Variants in RASGRP3 observed in about 807,000 individuals in gnomAD.
The protein encoded by RASGRP3 is RAS guanyl releasing protein 3.
RASGRP3 carries 54 observed loss-of-function variants against 82.7 expected under a neutral mutation model. The observed-to-expected ratio is 0.65, with a 90% confidence interval of 0.52 to 0.82. RASGRP3 has a LOEUF of 0.82. Among genes scored for constraint, RASGRP3 ranks in the 40% least tolerant of loss-of-function variants. The pLI, the probability that RASGRP3 is intolerant of heterozygous loss-of-function variation, is 0.00. For synonymous variants in RASGRP3, 309 were observed against 300.5 expected (o/e 1.03, Z -0.29); for missense variants, 861 against 828.9 (o/e 1.04, Z -0.48).
chr2:33,458,583 C>T (rs934363373), intron 2 of RASGRP3, among the ~76,000 whole-genome samples: 2 of 152,324 alleles, frequency 1.3e-5, no homozygotes, highest in African/African-American at 4.8e-5. Context: ...GCTGTAGACA[C>T]TGGGTGCCCC....
chr2:33,546,239 C>T (rs1191341184), intron 13 of RASGRP3, among the ~76,000 whole-genome samples: 16 of 151,658 alleles, frequency 1.1e-4, no homozygotes, highest in Non-Finnish European at 1.6e-4. Flanking sequence ...CTGGCTAACA[C>T]GGTGAAACTC....
chr2:33,486,467 C>T (rs1668390441), intron 1 of RASGRP3, among the ~76,000 whole-genome samples: 1 of 150,854 alleles, frequency 6.6e-6, no homozygotes, highest in Non-Finnish European at 1.5e-5. Context: ...TGCTCCTGGC[C>T]TCACTTGGTA....
chr2:33,561,557 A>T (rs1385682826), intron 17 of RASGRP3, among the ~76,000 whole-genome samples: 4 of 152,212 alleles, frequency 2.6e-5, no homozygotes, highest in Non-Finnish European at 5.9e-5. Context: ...GGGAAAAAAA[A>T]TGACAAAATT....
intron 2 of RASGRP3, among the ~76,000 whole-genome samples, chr2:33,466,601 C>A (rs1308882100): frequency 1.3e-5 from 2 of 151,654 alleles, no homozygotes; most frequent in Non-Finnish European, 2.9e-5. Context: ...ATCACTTGAA[C>A]CTGGGAGGTG....
intron 15 of RASGRP3, among the ~76,000 whole-genome samples, chr2:33,556,229 A>ATTTTT (rs1675932842): frequency 1.2e-5 from 1 of 86,956 alleles, no homozygotes; most frequent in Non-Finnish European, 2.0e-5. Flanking sequence ...TCTTCTAATA[A>ATTTTT]TCTTTTTTTT....
intron 13 of RASGRP3, among the ~76,000 whole-genome samples, chr2:33,547,223 A>C (rs1674866976): frequency 6.6e-6 from 1 of 152,004 alleles, no homozygotes; most frequent in Non-Finnish European, 1.5e-5. Context: ...CAAGAACACA[A>C]AGAAGGGAAT....
intron 2 of RASGRP3, among the ~76,000 whole-genome samples, chr2:33,467,428 C>CT (rs1666764155): frequency 6.6e-6 from 1 of 152,168 alleles, no homozygotes; most frequent in South Asian, 2.1e-4. Context: ...GTAGAGAAAT[C>CT]TCCCATGATT....
At chr2:33,467,820 C>T (rs1558409504) in intron 2 of RASGRP3, among the ~76,000 whole-genome samples, 1 of 152,132 alleles carries the variant, frequency 6.6e-6, no homozygotes, top group South Asian at 2.1e-4. Flanking sequence ...TTGGGACCTC[C>T]CTGAGAAACA....
chr2:33,453,660 C>A (rs997813570), intron 2 of RASGRP3, among the ~76,000 whole-genome samples: 2 of 152,114 alleles, frequency 1.3e-5, no homozygotes, highest in African/African-American at 4.8e-5. Flanking sequence ...TTTCATGTAT[C>A]CTATTGGTCA....
At chr2:33,438,798 A>G (rs1323732833) in intron 1 of RASGRP3, among the ~76,000 whole-genome samples, 2 of 151,884 alleles carry the variant, frequency 1.3e-5, no homozygotes, top group African/African-American at 4.9e-5. Context: ...TACAATCACC[A>G]TGTGTTTACA....
intron 14 of RASGRP3, among the ~76,000 whole-genome samples, chr2:33,551,951 CCACTG>C (rs1232204524): frequency 6.6e-6 from 1 of 152,120 alleles, no homozygotes; most frequent in African/African-American, 2.4e-5. Flanking sequence ...CAAGATGGCA[CCACTG>C]CACTCCAGCC....
rs1374614921 is a variant in RASGRP3 at position 33,558,821 on chromosome 2, G to C, written c.1855G>C (p.Val619Leu). 1 of 1,613,900 alleles carries C rather than the reference G, an allele frequency of 6.2e-7. No individual in the cohort carries two copies. The highest frequency in any genetic ancestry group is 1.3e-5 in the African/African-American group (1 of 74,926). Residue 619 changes from valine (V) to leucine (L), a missense_variant, in exon 17 of 18, where the codon GTC (valine) becomes CTC (leucine). Coordinates refer to ENST00000403687, the MANE Select transcript of RASGRP3 (RefSeq NM_001139488.2). ...TTSQATQTEP[V>L]WSEAGWGDSG... ...CAGCCAGGCCACCCAGACTGAACCT[G>C]TCTGGTCAGAGGCTGGCTGGGGGGA...
At chr2:33,462,427 TGGA>T (rs1334129213) in intron 2 of RASGRP3, among the ~76,000 whole-genome samples, 5 of 150,960 alleles carry the variant, frequency 3.3e-5, no homozygotes, top group African/African-American at 1.2e-4. Flanking sequence ...TTGGCCAGGC[TGGA>T]GTACAGTGGT....
In RASGRP3 at chr2:33,564,177, AAAGTT is replaced by A. The variant is rs1205532118; in HGVS notation, c.*1444_*1448del. On this transcript the variant is annotated 3_prime_UTR_variant, in exon 18 of 18. Transcript: ENST00000403687. ...TGGGCAGGTCCCACGCTATATGCAC[AAAGTT>A]AAGAAAAACTTGGTCTTAGCCCTTG... 1 of 151,968 alleles carries A rather than the reference AAAGTT, an allele frequency of 6.6e-6. No individual in the cohort carries two copies. The highest frequency in any genetic ancestry group is 1.5e-5 in the Non-Finnish European group (1 of 68,032). The allele number at this position is 151,968 out of a possible 1,614,324, so 9.4% of individuals were successfully genotyped here.
chr2:33,493,789 T>C (rs57476168), intron 1 of RASGRP3, among the ~76,000 whole-genome samples: 26,006 of 151,854 alleles, frequency 0.17, 3,237 homozygotes, highest in African/African-American at 0.35. Flanking sequence ...GGAGAGATGA[T>C]CAGATTGAAA....
chr2:33,456,320 A>C (rs926737533), intron 2 of RASGRP3, among the ~76,000 whole-genome samples: 4 of 151,720 alleles, frequency 2.6e-5, no homozygotes, highest in Admixed American at 2.6e-4. Context: ...GTGATTATTG[A>C]GATATTAATG....
intron 2 of RASGRP3, among the ~76,000 whole-genome samples, chr2:33,460,772 C>T (rs1420310640): frequency 1.3e-5 from 2 of 152,116 alleles, no homozygotes; most frequent in Admixed American, 6.6e-5. Context: ...GCCTCAGCCT[C>T]CCCAAGTGCT....
chr2:33,561,872 G>C (rs896944672), intron 17 of RASGRP3, among the ~76,000 whole-genome samples: 4 of 152,134 alleles, frequency 2.6e-5, no homozygotes, highest in Non-Finnish European at 5.9e-5. Context: ...TGTCAGAACA[G>C]TTCAAGATTA....
In RASGRP3 at chr2:33,483,486, A is replaced by ATTTT. The variant is rs202150682; in HGVS notation, c.-261+6796_-261+6799dup. The stretch of plus-strand genomic sequence containing the variant: ...ATCCCAGAGGCATGTTTTAGCCACT[A>ATTTT]TTTTTTTTTTTTTTTTTTTTGAGAC... On this transcript the variant is annotated intron_variant, in intron 1 of 17. Transcript: ENST00000403687. Among the ~76,000 whole-genome samples, 807 of 125,856 alleles carry ATTTT rather than the reference A, an allele frequency of 6.4e-3. 15 individuals are homozygous for ATTTT. Among genetic ancestry groups the ATTTT allele is most frequent in the African/African-American group, 0.022 (759 of 33,948 alleles). 82.6% of individuals were successfully genotyped at this position (125,856 alleles called of 152,430 possible). A position where few individuals can be genotyped will look rare whatever the true frequency, so the allele number is the denominator to read the frequency against.
Sources: gnomAD v4.1 joint callset for allele counts (sites outside exome capture counted in the v4.1 genomes callset) on GRCh38, gnomAD v4.1.1 for gene constraint, MANE v1.5 for transcripts, NCBI Gene and HGNC (gene_info 2026-07-23, HGNC 2026-07-21) for gene names.